Variants in DPP6 observed in about 807,000 individuals in gnomAD.
The protein encoded by DPP6 is dipeptidyl peptidase like 6, also known as A-type potassium channel modulatory protein DPP6.
DPP6 carries 69 observed loss-of-function variants against 122.6 expected under a neutral mutation model. The observed-to-expected ratio is 0.56, with a 90% CI of 0.46 to 0.69. DPP6 has a LOEUF of 0.69. Among genes scored for constraint, DPP6 ranks in the 30% least tolerant of loss-of-function variants. The pLI, the probability that DPP6 is intolerant of heterozygous loss-of-function variation, is 0.00. For synonymous variants in DPP6, 418 were observed against 433.1 expected, an observed-to-expected ratio of 0.97 and a Z score of 0.43; for missense variants, 928 against 1,116.9, an observed-to-expected ratio of 0.83 and a Z score of 2.41.
At chr7:154,784,705 G>C (rs149167473) in intron 10 of DPP6, among the ~76,000 whole-genome samples, 6 of 152,234 alleles carry the variant, frequency 3.9e-5, no homozygotes, top group African/African-American at 1.4e-4. Context: ...ACTCTGGAGA[G>C]CTCCATCTAG....
At chr7:153,899,341 C>T (rs988091637) in intron 1 of DPP6, among the ~76,000 whole-genome samples, 6 of 152,082 alleles carry the variant, frequency 3.9e-5, no homozygotes, top group South Asian at 2.1e-4. Flanking sequence ...ACAGTTTGGT[C>T]GCCTCTAATC....
At chr7:153,956,102 C>T (rs1374123613) in intron 1 of DPP6, among the ~76,000 whole-genome samples, 1 of 152,164 alleles carries the variant, frequency 6.6e-6, no homozygotes. Flanking sequence ...AGTCCTGTGA[C>T]CGAGCCAAGG....
intron 1 of DPP6, among the ~76,000 whole-genome samples, chr7:153,948,150 A>C (rs1226119666): frequency 6.6e-6 from 1 of 152,210 alleles, no homozygotes; most frequent in African/African-American, 2.4e-5. Flanking sequence ...GAAGGGATAC[A>C]ATCAACTCAT....
intron 8 of DPP6, among the ~76,000 whole-genome samples, chr7:154,759,863 C>T (rs778364474): frequency 4.6e-5 from 7 of 152,192 alleles, no homozygotes; most frequent in South Asian, 2.1e-4. Context: ...CCCAGCTGGG[C>T]GTGGTGGCTC....
intron 1 of DPP6, among the ~76,000 whole-genome samples, chr7:154,198,096 C>T (rs1798961267): frequency 6.6e-6 from 1 of 152,138 alleles, no homozygotes; most frequent in African/African-American, 2.4e-5. Context: ...GATGTGCAAA[C>T]TTACGATCAT....
intron 1 of DPP6, among the ~76,000 whole-genome samples, chr7:153,892,552 G>A (rs554811422): frequency 7.2e-5 from 11 of 152,244 alleles, no homozygotes; most frequent in African/African-American, 2.4e-4. Flanking sequence ...GACGTCAGGT[G>A]GTCTGCCCGT....
In DPP6 at chr7:154,090,786, A is replaced by C. The variant is rs575840587; in HGVS notation, c.243+37723A>C. Among the ~76,000 whole-genome samples, 84 of 149,890 alleles carry C rather than the reference A, an allele frequency of 5.6e-4. 1 individual carries two copies. The highest frequency in any genetic ancestry group is 2.0e-3 in the African/African-American group (82 of 40,618). On this transcript the variant is annotated intron_variant, in intron 1 of 25. Coordinates refer to ENST00000377770, the MANE Select transcript of DPP6 (RefSeq NM_130797.4). ...ATTACTGTCCTTAAGCTTTTTCCATATTAGCCTGGAGCCATAAATAGTTTG... is the reference window on the plus strand; with the variant it reads ...ATTACTGTCCTTAAGCTTTTTCCATCTTAGCCTGGAGCCATAAATAGTTTG...
chr7:154,082,882 T>G (rs1442087414), intron 1 of DPP6, among the ~76,000 whole-genome samples: 1 of 142,478 alleles, frequency 7.0e-6, no homozygotes, highest in African/African-American at 2.6e-5. Flanking sequence ...GGAGTCTCAC[T>G]CTGTCACCCA....
intron 3 of DPP6, among the ~76,000 whole-genome samples, chr7:154,501,232 G>A (rs11772229): frequency 6.7e-6 from 1 of 148,884 alleles, no homozygotes; most frequent in Non-Finnish European, 1.5e-5. Flanking sequence ...TGGACAATTT[G>A]CAGTCTGACA....
At chr7:154,408,494 G>C (rs984192915) in intron 1 of DPP6, among the ~76,000 whole-genome samples, 1 of 152,074 alleles carries the variant, frequency 6.6e-6, no homozygotes, top group African/African-American at 2.4e-5. Flanking sequence ...TTACAGAAAA[G>C]TTTCAATGAT....
chr7:154,427,246 T>C (rs909506183), intron 1 of DPP6, among the ~76,000 whole-genome samples: 3 of 152,258 alleles, frequency 2.0e-5, no homozygotes, highest in African/African-American at 4.8e-5. Flanking sequence ...TGTATTGTTT[T>C]GTATTCACAA....
chr7:154,610,729 G>C (rs867857520), intron 5 of DPP6, among the ~76,000 whole-genome samples: 4 of 147,662 alleles, frequency 2.7e-5, no homozygotes, highest in Non-Finnish European at 6.0e-5. Context: ...GTGTGTGTGT[G>C]TGTGTGTGTG....
chr7:154,659,991 C>A (rs1371052731), intron 6 of DPP6, among the ~76,000 whole-genome samples: 2 of 152,198 alleles, frequency 1.3e-5, no homozygotes, highest in Non-Finnish European at 2.9e-5. Context: ...GCCGTGTGAT[C>A]CACACGTCAT....
chr7:154,648,190 C>A lies in DPP6; in HGVS notation c.680+10317C>A, dbSNP rs1251098359. Among the ~76,000 whole-genome samples the A allele has an allele frequency of 8.6e-5, 13 of 151,826 alleles. No individual in the cohort carries two copies. In the East Asian group the frequency reaches 2.5e-3, roughly 30 times the overall value. ...CAGGAGAATCGTTTGAACCCTTGAA[C>A]CTGCGAGGCAGAGGTTACAGTGAGC... On this transcript the variant is annotated intron_variant, in intron 6 of 25. Transcript: ENST00000377770.
the DPP6 span, among the ~76,000 whole-genome samples, chr7:153,794,914 C>G: frequency 5.9e-5 from 9 of 152,240 alleles, no homozygotes; most frequent in East Asian, 5.8e-4. Context: ...TAAGAAGTGC[C>G]TTTCACCTCC....
chr7:154,189,694 C>T lies in DPP6; in HGVS notation c.243+136631C>T, dbSNP rs1249145211. 2.6e-5 allele frequency among the ~76,000 whole-genome samples: 4 copies of T among 152,228 alleles called. No homozygotes were observed. In the East Asian group the frequency reaches 5.8e-4, roughly 22 times the overall value. ...GCCAGTTCTCCCTTCCCTCTCATGC[C>T]GTGTCTCTGGGGTTGAGACCAGCGA... On this transcript the variant is annotated intron_variant, in intron 1 of 25. Coordinates refer to ENST00000377770, the MANE Select transcript of DPP6 (RefSeq NM_130797.4).
At chr7:154,557,147 G>T (rs1015310635) in intron 4 of DPP6, among the ~76,000 whole-genome samples, 4 of 152,078 alleles carry the variant, frequency 2.6e-5, no homozygotes, top group Non-Finnish European at 4.4e-5. Context: ...AGCACCCATC[G>T]GGGGCATCCA....
chr7:154,751,492 C>T (rs1003703943), intron 8 of DPP6, among the ~76,000 whole-genome samples: 1 of 151,364 alleles, frequency 6.6e-6, no homozygotes, highest in African/African-American at 2.4e-5. Flanking sequence ...TGTCTGTTGT[C>T]CCCACTACTC....
At chr7:154,316,563 T>G (rs1807446736) in intron 1 of DPP6, among the ~76,000 whole-genome samples, 1 of 152,116 alleles carries the variant, frequency 6.6e-6, no homozygotes, top group Non-Finnish European at 1.5e-5. Flanking sequence ...CTTGAACAAT[T>G]GGGTTGATCT....
Sources: allele counts gnomAD v4.1 joint callset (sites outside exome capture counted in the v4.1 genomes callset), GRCh38; gene constraint gnomAD v4.1.1; transcripts MANE v1.5; gene names NCBI Gene and HGNC (gene_info 2026-07-23, HGNC 2026-07-21).